GLIS3: variants seen among roughly 807,000 people sequenced by gnomAD.
GLIS3 encodes the protein GLIS family zinc finger 3, also known as zinc finger protein GLIS3.
Under a neutral mutation model 78.6 loss-of-function variants are expected in GLIS3, and 53 were observed. The observed-to-expected ratio is 0.67, with a 90% CI of 0.54 to 0.85. The LOEUF is 0.85. Among genes scored for constraint, GLIS3 ranks in the 40% least tolerant of loss-of-function variants. The pLI, the probability that GLIS3 is intolerant of heterozygous loss-of-function variation, is 0.00. For synonymous variants in GLIS3, 684 were observed against 509.9 expected, an observed-to-expected ratio of 1.34 and a Z score of -4.60; for missense variants, 1,703 against 1,231.1, an observed-to-expected ratio of 1.38 and a Z score of -5.74.
chr9:4,108,724 C>T (rs78403756), intron 4 of GLIS3, among the ~76,000 whole-genome samples: 1 of 152,280 alleles, frequency 6.6e-6, no homozygotes, highest in Non-Finnish European at 1.5e-5. Context: ...AACAAACATT[C>T]TAAAACACAG....
intron 2 of GLIS3, among the ~76,000 whole-genome samples, chr9:4,168,329 G>T (rs1305377465): frequency 6.6e-6 from 1 of 152,062 alleles, no homozygotes; most frequent in East Asian, 1.9e-4. Flanking sequence ...ATGTCTTTAA[G>T]ATATTTTTGA....
rs148808808 is a variant in GLIS3, at chr9:4,113,232, A to G, written c.1710+4536T>C. ...TATAGTATTTCATTAGGAATAAGCC[A>G]CGGTTTATTGACTTATCTATGGACA... On this transcript the variant is annotated intron_variant, in intron 4 of 10. Transcript: ENST00000381971. Among the ~76,000 whole-genome samples, 1,346 of 152,266 alleles carry G rather than the reference A, an allele frequency of 8.8e-3. 67 individuals are homozygous for G. The highest frequency in any genetic ancestry group is 0.078 in the Admixed American group (1,195 of 15,286).
intron 2 of GLIS3, among the ~76,000 whole-genome samples, chr9:4,260,630 C>G (rs1289874071): frequency 6.6e-6 from 1 of 151,682 alleles, no homozygotes; most frequent in Non-Finnish European, 1.5e-5. Flanking sequence ...CCTGTAGTCC[C>G]AGCTACTCAG....
At chr9:4,423,380 G>A in the GLIS3 span, among the ~76,000 whole-genome samples, 12 of 152,144 alleles carry the variant, frequency 7.9e-5, no homozygotes, top group Non-Finnish European at 1.8e-4. Context: ...GGGCACAAGA[G>A]TTCTACTCAA....
intron 1 of GLIS3, among the ~76,000 whole-genome samples, chr9:4,292,370 T>A (rs1472404185): frequency 1.3e-5 from 2 of 152,162 alleles, no homozygotes; most frequent in African/African-American, 2.4e-5. Flanking sequence ...CATATACATC[T>A]TCTGGGTAAG....
chr9:3,851,658 C>T (rs10814695), intron 9 of GLIS3, among the ~76,000 whole-genome samples: 26,352 of 151,338 alleles, frequency 0.17, 2,822 homozygotes, highest in Middle Eastern at 0.24. Context: ...TATTACAGCA[C>T]GATTAACAAA....
chr9:4,324,771 G>A (rs763831062), intron 2 of GLIS3, among the ~76,000 whole-genome samples: 19 of 152,134 alleles, frequency 1.2e-4, no homozygotes, highest in Admixed American at 6.5e-5. Context: ...ACCATTTTCT[G>A]TAAGTCATTT....
chr9:4,199,036 C>T (rs1819123841), intron 2 of GLIS3, among the ~76,000 whole-genome samples: 2 of 152,172 alleles, frequency 1.3e-5, no homozygotes, highest in Admixed American at 6.5e-5. Context: ...CACCACTGGA[C>T]CAATCTTACA....
chr9:4,252,467 G>A (rs148274343), intron 2 of GLIS3, among the ~76,000 whole-genome samples: 4 of 152,064 alleles, frequency 2.6e-5, no homozygotes, highest in African/African-American at 9.6e-5. Context: ...GGTCATTTAT[G>A]TTCTCTCTAA....
intron 4 of GLIS3, among the ~76,000 whole-genome samples, chr9:3,942,337 G>A (rs940094766): frequency 6.6e-6 from 1 of 152,154 alleles, no homozygotes; most frequent in African/African-American, 2.4e-5. Flanking sequence ...AGTGATGGCT[G>A]ATGTTAAGAC....
chr9:3,864,399 G>C (rs1358301893), intron 8 of GLIS3, among the ~76,000 whole-genome samples: 2 of 152,174 alleles, frequency 1.3e-5, no homozygotes, highest in Non-Finnish European at 2.9e-5. Context: ...ATGAGAAATG[G>C]AGGCATGGAC....
At chr9:3,837,823 TG>T (rs754683081) in intron 9 of GLIS3, among the ~76,000 whole-genome samples, 5 of 152,194 alleles carry the variant, frequency 3.3e-5, no homozygotes, top group Admixed American at 6.5e-5. Flanking sequence ...GATGCTACCA[TG>T]GTGGATAGAT....
intron 2 of GLIS3, among the ~76,000 whole-genome samples, chr9:4,170,993 C>G (rs1216793780): frequency 6.6e-6 from 1 of 152,112 alleles, no homozygotes; most frequent in Non-Finnish European, 1.5e-5. Flanking sequence ...GTAGCACATG[C>G]AGATCACACA....
chr9:4,453,040 T>C, the GLIS3 span, among the ~76,000 whole-genome samples: 3 of 151,992 alleles, frequency 2.0e-5, no homozygotes, highest in Non-Finnish European at 4.4e-5. Context: ...TTTGACAAAC[T>C]TGACAAAAAC....
chr9:4,143,236 T>G (rs1833941457), intron 2 of GLIS3, among the ~76,000 whole-genome samples: 1 of 151,792 alleles, frequency 6.6e-6, no homozygotes, highest in Non-Finnish European at 1.5e-5. Flanking sequence ...TGCGCACGTG[T>G]GTATTTGTGT....
At chr9:3,956,021 G>A (rs7025499) in intron 4 of GLIS3, among the ~76,000 whole-genome samples, 3,354 of 91,934 alleles carry the variant, frequency 0.036, 169 homozygotes, top group African/African-American at 0.14. Flanking sequence ...ACCTTCTCCA[G>A]ATTCAGCAAA....
chr9:3,982,681 G>C (rs985624434), intron 4 of GLIS3, among the ~76,000 whole-genome samples: 1 of 152,196 alleles, frequency 6.6e-6, no homozygotes, highest in Non-Finnish European at 1.5e-5. Flanking sequence ...GCCTAGCAAA[G>C]ATACTACATG....
chr9:4,360,922 A>G, the GLIS3 span, among the ~76,000 whole-genome samples: 2 of 152,220 alleles, frequency 1.3e-5, no homozygotes, highest in Admixed American at 1.3e-4. Context: ...GGAATATCTG[A>G]TGGCATTATT....
intron 4 of GLIS3, among the ~76,000 whole-genome samples, chr9:4,053,037 T>C (rs1465979401): frequency 6.6e-6 from 1 of 152,162 alleles, no homozygotes; most frequent in East Asian, 1.9e-4. Context: ...AATCTCTGCC[T>C]CCTAAGTTCA....
Sources: allele counts gnomAD v4.1 joint callset (sites outside exome capture counted in the v4.1 genomes callset), GRCh38; gene constraint gnomAD v4.1.1; transcripts MANE v1.5; gene names NCBI Gene and HGNC (gene_info 2026-07-23, HGNC 2026-07-21).